The following BCAS1 variants were observed in gnomAD, a reference collection of about 807,000 sequenced individuals.
BCAS1 encodes brain enriched myelin associated protein 1.
In BCAS1, 46 loss-of-function variants were observed where a neutral mutation model predicts 65.4. The ratio of observed to expected loss-of-function variants is 0.70; its 90% confidence interval spans 0.55 to 0.90. The LOEUF is 0.90. BCAS1 is among the 40% of genes least tolerant of loss of function. The probability of loss-of-function intolerance (pLI) is 0.00; values close to 1 mark genes in which losing one functional copy is unlikely to be tolerated. For synonymous variants in BCAS1, 298 were observed against 293.5 expected (o/e 1.02, Z -0.16); for missense variants, 793 against 771.2 (o/e 1.03, Z -0.33).
chr20:54,019,876 C>A lies in BCAS1; in HGVS notation c.723+8516G>T, dbSNP rs114757396. ...ACAGACTGACGGCTGCACTGTCGGC[C>A]TCCACACTTTTGAGGCTTTTGAACT... is the stretch of plus-strand genomic sequence containing the variant. On this transcript the variant is annotated intron_variant, in intron 4 of 12. Transcript: ENST00000688948. Among the ~76,000 whole-genome samples the A allele has an allele frequency of 2.9e-3, 449 of 152,286 alleles. 2 individuals are homozygous for A. Among genetic ancestry groups the A allele is most frequent in the African/African-American group, 0.01 (431 of 41,548 alleles).
intron 3 of BCAS1, among the ~76,000 whole-genome samples, chr20:54,040,249 A>G (rs1568909605): frequency 6.6e-6 from 1 of 151,334 alleles, no homozygotes; most frequent in Admixed American, 6.6e-5. Flanking sequence ...ACACTGCCAT[A>G]TTATTTTCTT....
At chr20:54,004,706 C>T (rs2091143055) in intron 4 of BCAS1, among the ~76,000 whole-genome samples, 2 of 152,156 alleles carry the variant, frequency 1.3e-5, no homozygotes, top group African/African-American at 4.8e-5. Context: ...ACAGCATTAG[C>T]ATGGGCTCTG....
In BCAS1 at chr20:53,945,015, A is replaced by G. The variant is rs746952233; in HGVS notation, c.1816-19T>C. On this transcript the variant is annotated intron_variant, in intron 12 of 12. Coordinates refer to ENST00000688948, the MANE Select transcript of BCAS1 (RefSeq NM_001366298.2). ...TTGGTCCCTGGAGAAAAACAGAAAG[A>G]CGTGGCAGCCTATTGAAGCTCTGTA... The G allele has an allele frequency of 3.7e-6, 6 of 1,611,946 alleles. No homozygotes were observed. The East Asian group carries it at 1.1e-4, about 30-fold the overall frequency.
intron 9 of BCAS1, among the ~76,000 whole-genome samples, chr20:53,974,815 C>T (rs1177573236): frequency 1.3e-5 from 2 of 152,204 alleles, no homozygotes; most frequent in Non-Finnish European, 2.9e-5. Context: ...GATGAATGAA[C>T]TGTCTTGAAA....
At chr20:53,991,303 C>A (rs1003156656) in intron 7 of BCAS1, among the ~76,000 whole-genome samples, 19 of 152,170 alleles carry the variant, frequency 1.2e-4, no homozygotes, top group Admixed American at 1.3e-4. Flanking sequence ...ATTTATCATT[C>A]CCCATTCTTT....
At chr20:54,057,195 T>A (rs79629073) in intron 3 of BCAS1, among the ~76,000 whole-genome samples, 1 of 152,232 alleles carries the variant, frequency 6.6e-6, no homozygotes, top group Non-Finnish European at 1.5e-5. Flanking sequence ...ACTGCCCTCA[T>A]GTGGACACAA....
intron 3 of BCAS1, among the ~76,000 whole-genome samples, chr20:54,056,948 G>A (rs546311226): frequency 2.5e-4 from 38 of 152,272 alleles, no homozygotes; most frequent in African/African-American, 8.7e-4. Flanking sequence ...TACAGATGAG[G>A]AGCCAGAGGT....
intron 9 of BCAS1, among the ~76,000 whole-genome samples, chr20:53,972,323 C>T (rs900653469): frequency 7.9e-5 from 12 of 152,300 alleles, no homozygotes; most frequent in African/African-American, 2.9e-4. Flanking sequence ...CTTCAATCCA[C>T]ATGGACACTG....
intron 4 of BCAS1, among the ~76,000 whole-genome samples, chr20:54,027,865 G>T (rs763647824): frequency 1.5e-5 from 2 of 133,450 alleles, no homozygotes; most frequent in Non-Finnish European, 3.3e-5. Flanking sequence ...TGTTGGAAAA[G>T]AATTACTACA....
chr20:54,013,639 A>C (rs2091369303), intron 4 of BCAS1, among the ~76,000 whole-genome samples: 1 of 152,240 alleles, frequency 6.6e-6, no homozygotes, highest in Admixed American at 6.5e-5. Context: ...CAAATGTACA[A>C]GGTTATTCAT....
At chr20:53,949,500 C>T (rs79540356) in intron 12 of BCAS1, among the ~76,000 whole-genome samples, 2,805 of 152,278 alleles carry the variant, frequency 0.018, 85 homozygotes, top group African/African-American at 0.063. Context: ...GTAACAGGCA[C>T]CACAATAGTT....
intron 8 of BCAS1, among the ~76,000 whole-genome samples, chr20:53,979,505 T>C (rs1324642675): frequency 6.6e-6 from 1 of 152,134 alleles, no homozygotes; most frequent in Non-Finnish European, 1.5e-5. Flanking sequence ...AAGCACAACA[T>C]GGAAGGAAAA....
chr20:53,980,889 C>A (rs1190247145), intron 8 of BCAS1, among the ~76,000 whole-genome samples: 1 of 152,196 alleles, frequency 6.6e-6, no homozygotes, highest in Admixed American at 6.5e-5. Context: ...TCATTATTTT[C>A]TACTGCCAAT....
intron 4 of BCAS1, among the ~76,000 whole-genome samples, chr20:53,998,457 C>T (rs2090975352): frequency 1.3e-5 from 2 of 152,178 alleles, no homozygotes; most frequent in Admixed American, 1.3e-4. Context: ...GGAGCAGGCA[C>T]AGCACATGGT....
At chr20:53,947,603 C>T (rs2089368682) in intron 12 of BCAS1, among the ~76,000 whole-genome samples, 1 of 152,154 alleles carries the variant, frequency 6.6e-6, no homozygotes, top group South Asian at 2.1e-4. Flanking sequence ...ACGCCACTGT[C>T]GCTCTCAGGC....
At chr20:53,977,129 C>T (rs767344458) in intron 8 of BCAS1, among the ~76,000 whole-genome samples, 2 of 152,106 alleles carry the variant, frequency 1.3e-5, no homozygotes, top group Non-Finnish European at 2.9e-5. Context: ...CTTATAAAGC[C>T]ATCAGATCTT....
Position 53,953,452 on chromosome 20 carries a change from C to G in BCAS1, c.1795G>C (p.Gly599Arg). ...KRPEKRQQSL[G>R]GFFKGLGPKR... ...CCTACCAGGCCTTTAAAGAAGCCCC[C>G]AAGGGACTGCTGCCGCTTCTCAGGT... The change falls in exon 12 of 13, where the codon GGG becomes CGG. Residue 599 changes from glycine (G) to arginine (R), a missense_variant. By Grantham distance (125) the Gly-to-Arg change is moderately radical. Coordinates refer to ENST00000688948, the MANE Select transcript of BCAS1 (RefSeq NM_001366298.2). 2 of 1,614,058 alleles carry G rather than the reference C, an allele frequency of 1.2e-6. No individual in the cohort carries two copies. Among genetic ancestry groups the G allele is most frequent in the Non-Finnish European group, 8.5e-7 (1 of 1,180,024 alleles).
chr20:54,036,048 A>G (rs1288883025), intron 3 of BCAS1, among the ~76,000 whole-genome samples: 1 of 151,112 alleles, frequency 6.6e-6, no homozygotes, highest in Admixed American at 6.6e-5. Context: ...ACTGGGGCCT[A>G]TTGGAGGGTG....
intron 8 of BCAS1, among the ~76,000 whole-genome samples, chr20:53,976,362 G>A (rs889562262): frequency 6.6e-6 from 1 of 152,010 alleles, no homozygotes; most frequent in Non-Finnish European, 1.5e-5. Flanking sequence ...GACCTTCTAT[G>A]TCTCTCCTCT....
Sources: gnomAD v4.1 joint callset for allele counts (sites outside exome capture counted in the v4.1 genomes callset) on GRCh38, gnomAD v4.1.1 for gene constraint, MANE v1.5 for transcripts, NCBI Gene and HGNC (gene_info 2026-07-23, HGNC 2026-07-21) for gene names.